The following CPEB3 variants were observed in gnomAD, a reference collection of about 807,000 sequenced individuals.
The protein encoded by CPEB3 is cytoplasmic polyadenylation element binding protein 3.
In CPEB3, 20 loss-of-function variants were observed where a neutral mutation model predicts 67.2. That is an observed-to-expected ratio of 0.30 (90% confidence interval 0.21 to 0.43). The LOEUF is 0.43. CPEB3 is among the 20% of genes least tolerant of loss of function. The probability of loss-of-function intolerance (pLI) is 1.00; values close to 1 mark genes in which losing one functional copy is unlikely to be tolerated. For synonymous variants in CPEB3, 376 were observed against 393.1 expected, an observed-to-expected ratio of 0.96 and a Z score of 0.51; for missense variants, 746 against 968.6, an observed-to-expected ratio of 0.77 and a Z score of 3.05.
intron 6 of CPEB3, among the ~76,000 whole-genome samples, chr10:92,130,655 CTTTTT>C (rs35187694): frequency 1.5e-5 from 2 of 135,238 alleles, no homozygotes; most frequent in Admixed American, 7.4e-5. Context: ...CCCTATGTGG[CTTTTT>C]TTTTTTTTTT....
chr10:92,205,622 G>A (rs1428489637), intron 2 of CPEB3, among the ~76,000 whole-genome samples: 2 of 151,520 alleles, frequency 1.3e-5, no homozygotes, highest in Non-Finnish European at 2.9e-5. Context: ...GATTATGGGT[G>A]TGCGCCATGA....
Position 92,192,601 on chromosome 10 carries a change from G to C in CPEB3, c.1041C>G (p.His347Gln). 6.2e-7 allele frequency: 1 copy of C among 1,612,470 alleles called. No individual in the cohort carries two copies. The highest frequency in any genetic ancestry group is 8.5e-7 in the Non-Finnish European group (1 of 1,179,220). ...RSRPYDTFNL[H>Q]SLENSLMDMI... Reference sequence around the variant, plus strand: ...TATCCATTAAGGAGTTCTCCAACGAGTGCAAGTTAAAAGTATCATAGGGCC... The same window carrying C: ...TATCCATTAAGGAGTTCTCCAACGACTGCAAGTTAAAAGTATCATAGGGCC... Residue 347 changes from histidine (H) to glutamine (Q), a missense_variant, in exon 3 of 10, where the codon CAC becomes CAG. Physicochemically the swap from His to Gln is conservative, Grantham distance 24. Transcript: ENST00000265997.
intron 1 of CPEB3, among the ~76,000 whole-genome samples, chr10:92,240,796 C>A: frequency 6.6e-6 from 1 of 152,266 alleles, no homozygotes; most frequent in East Asian, 1.9e-4. Flanking sequence ...CGTCCTTCAG[C>A]AAGGTTAAAA....
At chr10:92,138,924 C>G (rs895015013) in intron 6 of CPEB3, among the ~76,000 whole-genome samples, 1 of 152,168 alleles carries the variant, frequency 6.6e-6, no homozygotes, top group Non-Finnish European at 1.5e-5. Flanking sequence ...GCACTATTCA[C>G]AATAGCCAGG....
chr10:92,243,109 T>C (rs1590511175), intron 1 of CPEB3: 1 of 151,620 alleles, frequency 6.6e-6, no homozygotes, highest in Non-Finnish European at 1.5e-5. Flanking sequence ...CCACACACAA[T>C]AGATATTCTT....
Position 92,091,856 on chromosome 10 carries a change from C to G in CPEB3, c.1661G>C (p.Gly554Ala). 6.2e-7 allele frequency: 1 copy of G among 1,613,124 alleles called. No homozygotes were observed. The highest frequency in any genetic ancestry group is 8.5e-7 in the Non-Finnish European group (1 of 1,179,324). ...AGCTCGAAGGGGTCGTGGAACTCCC[C>G]CAACAAAGATAGTTTTTCTGGGGTC... ...PLDPRKTIFV[G>A]GVPRPLRAVE... is the part of the protein sequence containing the mutation. Residue 554 changes from glycine (G) to alanine (A), a missense_variant, in exon 8 of 10, where the codon GGG becomes GCG. Physicochemically the swap from Gly to Ala is moderately conservative, Grantham distance 60. Around this residue, in one of 2 missense-constraint regions of CPEB3, gnomAD observed 103 missense variants for 251.1 expected, o/e 0.41. Transcript: ENST00000265997.
chr10:92,271,185 AAAAC>A lies in CPEB3; in HGVS notation c.-12+19737_-12+19740del, dbSNP rs201603849. On this transcript the variant is annotated intron_variant, in intron 1 of 9. Transcript: ENST00000265997. ...GTGATGGAGCGAGACTCTGTCTCAA[AAAAC>A]AAACAAACAAACACCTTTTCATTTT... 2.2e-3 allele frequency among the ~76,000 whole-genome samples: 340 copies of A among 152,314 alleles called. 1 individual carries two copies. The highest frequency in any genetic ancestry group is 7.4e-3 in the African/African-American group (308 of 41,578).
intron 1 of CPEB3, among the ~76,000 whole-genome samples, chr10:92,260,742 G>A (rs11186881): frequency 0.22 from 33,638 of 151,686 alleles, 4,685 homozygotes; most frequent in Middle Eastern, 0.34. Context: ...CCGAGTAGCT[G>A]GGATTACAGG....
chr10:92,052,534 T>A, intron 9 of CPEB3, 95 bp from the exon 10 acceptor site: 1 of 1,037,730 alleles, frequency 9.6e-7, no homozygotes. Context: ...TCAACGTATG[T>A]CTCAATCAGA....
chr10:92,272,683 G>A (rs915574066), intron 1 of CPEB3, among the ~76,000 whole-genome samples: 1 of 152,192 alleles, frequency 6.6e-6, no homozygotes, highest in Admixed American at 6.6e-5. Flanking sequence ...AACAGGTATA[G>A]TCTCACCCTT....
At chr10:92,109,393 C>T (rs1329751289) in intron 7 of CPEB3, among the ~76,000 whole-genome samples, 3 of 152,072 alleles carry the variant, frequency 2.0e-5, no homozygotes, top group Non-Finnish European at 4.4e-5. Context: ...GCTGGGATTA[C>T]AGGCACGTGC....
intron 9 of CPEB3, among the ~76,000 whole-genome samples, chr10:92,062,916 A>G (rs925690342): frequency 1.3e-5 from 2 of 152,218 alleles, no homozygotes; most frequent in African/African-American, 2.4e-5. Context: ...AAAGGAGATG[A>G]GAACTACCTA....
chr10:92,124,089 T>C (rs1845509465), intron 6 of CPEB3, among the ~76,000 whole-genome samples: 1 of 152,164 alleles, frequency 6.6e-6, no homozygotes, highest in Non-Finnish European at 1.5e-5. Flanking sequence ...CTAAAGTCTA[T>C]TTTTTCCTCA....
intron 9 of CPEB3, among the ~76,000 whole-genome samples, chr10:92,064,137 T>C (rs1842462986): frequency 6.6e-6 from 1 of 152,156 alleles, no homozygotes; most frequent in Non-Finnish European, 1.5e-5. Context: ...TAAGGATCTG[T>C]TGCAGGTCAT....
At chr10:92,152,956 C>T (rs1731556015) in intron 4 of CPEB3, among the ~76,000 whole-genome samples, 3 of 152,090 alleles carry the variant, frequency 2.0e-5, no homozygotes, top group Admixed American at 2.0e-4. Flanking sequence ...AAAATCCCTC[C>T]TTCAGTCTTT....
chr10:92,195,076 C>CAT (rs1849176915), intron 2 of CPEB3, among the ~76,000 whole-genome samples: 1 of 151,304 alleles, frequency 6.6e-6, no homozygotes, highest in Non-Finnish European at 1.5e-5. Context: ...CACACACACA[C>CAT]ACACACGTAC....
At chr10:92,149,109 C>T (rs918920059) in intron 4 of CPEB3, among the ~76,000 whole-genome samples, 1 of 152,186 alleles carries the variant, frequency 6.6e-6, no homozygotes, top group African/African-American at 2.4e-5. Flanking sequence ...CCGTGTTGGC[C>T]AGGCTGGTCT....
At chr10:92,181,256 A>T (rs989560342) in intron 3 of CPEB3, among the ~76,000 whole-genome samples, 1 of 151,610 alleles carries the variant, frequency 6.6e-6, no homozygotes, top group Non-Finnish European at 1.5e-5. Flanking sequence ...AGCTTCTGTT[A>T]TAATAGTCTG....
In CPEB3 at chr10:92,184,542, T is replaced by A. The variant is rs1044527799; in HGVS notation, c.1166-3523A>T. Among the ~76,000 whole-genome samples the A allele has an allele frequency of 2.4e-4, 36 of 151,896 alleles. 1 individual carries two copies. The highest frequency in any genetic ancestry group is 2.1e-4 in the South Asian group (1 of 4,810). ...ATCGCTTAAACCTGGGAGGTGGAGG[T>A]TGCAGTGAGCCGAGATCGTGTCACA... is the stretch of plus-strand genomic sequence containing the variant. On this transcript the variant is annotated intron_variant, in intron 3 of 9. Coordinates refer to ENST00000265997, the MANE Select transcript of CPEB3 (RefSeq NM_014912.5).
Sources: allele counts gnomAD v4.1 joint callset (sites outside exome capture counted in the v4.1 genomes callset), GRCh38; gene constraint gnomAD v4.1.1; regional missense constraint gnomAD v4.1.1; transcripts MANE v1.5; gene names NCBI Gene and HGNC (gene_info 2026-07-23, HGNC 2026-07-21).